Variants in SEMA6D observed in about 807,000 individuals in gnomAD.
The protein encoded by SEMA6D is semaphorin 6D, also known as semaphorin-6D.
Under a neutral mutation model 106.6 loss-of-function variants are expected in SEMA6D, and 35 were observed. The ratio of observed to expected loss-of-function variants is 0.33; its 90% CI spans 0.25 to 0.44. The LOEUF (loss-of-function observed/expected upper bound fraction) is 0.44, where lower values mean the gene tolerates loss of function less well. SEMA6D is among the 20% of genes least tolerant of loss of function. SEMA6D has a pLI of 1.00. For missense variants in SEMA6D, 1,185 were observed against 1,345.9 expected (o/e 0.88, Z 1.87); for synonymous variants, 499 against 487.7 (o/e 1.02, Z -0.31).
intron 1 of SEMA6D, among the ~76,000 whole-genome samples, chr15:47,745,534 C>T (rs1205518407): frequency 6.6e-6 from 1 of 152,250 alleles, no homozygotes; most frequent in Admixed American, 6.5e-5. Context: ...CTTGGTCTTG[C>T]ATCAATTTAG....
intron 1 of SEMA6D, among the ~76,000 whole-genome samples, chr15:47,263,003 G>A (rs893322529): frequency 6.7e-5 from 5 of 74,444 alleles, no homozygotes; most frequent in African/African-American, 1.5e-4. Context: ...GTATGCAGAA[G>A]ATTAAAACTG....
chr15:47,246,019 CT>C (rs1287949050), intron 1 of SEMA6D, among the ~76,000 whole-genome samples: 1 of 152,126 alleles, frequency 6.6e-6, no homozygotes, highest in African/African-American at 2.4e-5. Context: ...GACCTTTCCC[CT>C]GTCTTTCGGA....
intron 3 of SEMA6D, among the ~76,000 whole-genome samples, chr15:47,485,567 C>A (rs1219147476): frequency 6.6e-6 from 1 of 152,144 alleles, no homozygotes; most frequent in Non-Finnish European, 1.5e-5. Flanking sequence ...ACAGTTATGG[C>A]AGGCTCCATT....
intron 3 of SEMA6D, among the ~76,000 whole-genome samples, chr15:47,500,528 C>T (rs991333362): frequency 1.3e-5 from 2 of 152,058 alleles, no homozygotes; most frequent in African/African-American, 4.8e-5. Flanking sequence ...TACAAATTTT[C>T]TTCTCCACTG....
At chr15:47,235,306 G>T (rs138879783) in intron 1 of SEMA6D, among the ~76,000 whole-genome samples, 6 of 151,900 alleles carry the variant, frequency 3.9e-5, no homozygotes, top group Non-Finnish European at 8.8e-5. Context: ...TTACTCTGAT[G>T]ATTTTTTTTA....
intron 4 of SEMA6D, among the ~76,000 whole-genome samples, chr15:47,641,001 G>A (rs896429672): frequency 6.6e-6 from 1 of 152,104 alleles, no homozygotes; most frequent in Non-Finnish European, 1.5e-5. Flanking sequence ...CTTGGGAAAG[G>A]AAGTCACTAG....
Position 47,771,802 on chromosome 15 carries a change from T to G in SEMA6D, c.*17T>G. On this transcript the variant is annotated 3_prime_UTR_variant, in exon 19 of 19. Coordinates refer to ENST00000536845, the MANE Select transcript of SEMA6D (RefSeq NM_001358351.3). ...ACATACTAGGCCTCAAGTGTGCTAT[T>G]CCCATGTGGCTTTATCCTGTCCGTG... 6.2e-7 allele frequency: 1 copy of G among 1,602,228 alleles called. No individual in the cohort carries two copies. Among genetic ancestry groups the G allele is most frequent in the Non-Finnish European group, 8.5e-7 (1 of 1,173,262 alleles).
intron 1 of SEMA6D, among the ~76,000 whole-genome samples, chr15:47,204,175 C>T (rs1382680623): frequency 6.6e-6 from 1 of 152,080 alleles, no homozygotes; most frequent in Non-Finnish European, 1.5e-5. Flanking sequence ...GTTCAATGAC[C>T]ATCCTAAGCT....
At chr15:47,420,900 A>G (rs985067811) in intron 2 of SEMA6D, among the ~76,000 whole-genome samples, 2 of 152,136 alleles carry the variant, frequency 1.3e-5, no homozygotes, top group Non-Finnish European at 2.9e-5. Context: ...CATATGAAGT[A>G]GATAAGAATA....
intron 3 of SEMA6D, among the ~76,000 whole-genome samples, chr15:47,512,379 C>T (rs1054799252): frequency 1.5e-4 from 23 of 152,260 alleles, no homozygotes; most frequent in African/African-American, 3.6e-4. Flanking sequence ...ATGCATCATG[C>T]GCAATATCCA....
chr15:47,300,750 C>G (rs558011150), intron 1 of SEMA6D, among the ~76,000 whole-genome samples: 1 of 152,320 alleles, frequency 6.6e-6, no homozygotes, highest in Admixed American at 6.5e-5. Flanking sequence ...GGTCACTCAG[C>G]AACTTTTCCT....
chr15:47,193,365 A>G (rs1371867945), intron 1 of SEMA6D, among the ~76,000 whole-genome samples: 2 of 152,156 alleles, frequency 1.3e-5, no homozygotes, highest in African/African-American at 4.8e-5. Context: ...TGCTAATTGG[A>G]GCATTTTGGA....
chr15:47,473,573 C>G (rs890192169), intron 3 of SEMA6D, among the ~76,000 whole-genome samples: 76 of 152,172 alleles, frequency 5.0e-4, no homozygotes, highest in African/African-American at 1.7e-3. Flanking sequence ...TTGGTACCAG[C>G]ATTATGCCTC....
rs202234976 is a variant in SEMA6D at position 47,271,983 on chromosome 15, T to C, written c.-239+87565T>C. On this transcript the variant is annotated intron_variant, in intron 1 of 19. Transcript: ENST00000558014. ...TTGGATCATCCATCATCTTCTGTTG[T>C]GGTGAGTCTTTTCAAGGCTTACATC... 4.6e-5 allele frequency among the ~76,000 whole-genome samples: 7 copies of C among 152,270 alleles called. No individual in the cohort carries two copies. The East Asian group carries it at 9.7e-4, about 21-fold the overall frequency.
At chr15:47,298,541 C>T (rs2035895003) in intron 1 of SEMA6D, among the ~76,000 whole-genome samples, 1 of 152,118 alleles carries the variant, frequency 6.6e-6, no homozygotes, top group Non-Finnish European at 1.5e-5. Flanking sequence ...AGAACATTCA[C>T]CCCAAGCCTT....
chr15:47,448,246 G>A lies in SEMA6D; in HGVS notation c.-158-22228G>A, dbSNP rs561938133. 3.9e-5 allele frequency among the ~76,000 whole-genome samples: 6 copies of A among 152,188 alleles called. No homozygotes were observed. In the East Asian group the frequency reaches 7.8e-4, roughly 20 times the overall value. Reference sequence around the variant, plus strand: ...GCAATTGTACCACGACGCCTGGGCCGGGATCTTTGTTCATGCCTGTGTGAC... The same window carrying A: ...GCAATTGTACCACGACGCCTGGGCCAGGATCTTTGTTCATGCCTGTGTGAC... On this transcript the variant is annotated intron_variant, in intron 2 of 19. Coordinates refer to the SEMA6D transcript ENST00000558014.
intron 1 of SEMA6D, among the ~76,000 whole-genome samples, chr15:47,356,880 C>T (rs745496534): frequency 3.3e-5 from 5 of 152,112 alleles, no homozygotes; most frequent in Non-Finnish European, 7.3e-5. Context: ...TAAAACAGAC[C>T]CAAACCATTT....
At chr15:47,727,653 C>A (rs1334250512) in intron 1 of SEMA6D, among the ~76,000 whole-genome samples, 1 of 151,644 alleles carries the variant, frequency 6.6e-6, no homozygotes, top group Non-Finnish European at 1.5e-5. Flanking sequence ...GCTAAAGTGG[C>A]TTCCCCCCCA....
intron 2 of SEMA6D, among the ~76,000 whole-genome samples, chr15:47,441,485 T>C (rs2140783030): frequency 6.6e-6 from 1 of 152,184 alleles, no homozygotes; most frequent in South Asian, 2.1e-4. Flanking sequence ...TGTAAAAGAA[T>C]GTAGACACAA....
Sources: gnomAD v4.1 joint callset for allele counts (sites outside exome capture counted in the v4.1 genomes callset) on GRCh38, gnomAD v4.1.1 for gene constraint, MANE v1.5 for transcripts, NCBI Gene and HGNC (gene_info 2026-07-23, HGNC 2026-07-21) for gene names.